DOCK5: variants seen among roughly 807,000 people sequenced by gnomAD.
DOCK5 encodes the protein dedicator of cytokinesis protein 5.
A neutral mutation model predicts 251.8 loss-of-function variants in DOCK5; 142 were observed. The observed-to-expected ratio is 0.56, with a 90% CI of 0.49 to 0.65. The LOEUF (loss-of-function observed/expected upper bound fraction) is 0.65. DOCK5 is among the 30% of genes least tolerant of loss of function. The probability of loss-of-function intolerance (pLI) is 0.00; values close to 1 mark genes in which losing one functional copy is unlikely to be tolerated. For synonymous variants in DOCK5, 842 were observed against 835.5 expected (o/e 1.01, Z -0.13); for missense variants, 2,111 against 2,312.3 (o/e 0.91, Z 1.79).
chr8:25,233,359 A>G (rs1802717981), intron 1 of DOCK5, among the ~76,000 whole-genome samples: 1 of 152,260 alleles, frequency 6.6e-6, no homozygotes, highest in African/African-American at 2.4e-5. Flanking sequence ...CTGGGCAACA[A>G]GTAGAATTGA....
At chr8:25,409,933 G>A in intron 50 of DOCK5, 166 bp from the exon 51 acceptor site, 2 of 597,056 alleles carry the variant, frequency 3.3e-6, no homozygotes, top group Non-Finnish European at 6.0e-6. Flanking sequence ...TCACCTGTGT[G>A]ATGTGGGGTA....
chr8:25,382,230 G>C lies in DOCK5; in HGVS notation c.4027-444G>C, dbSNP rs930849017. On this transcript the variant is annotated intron_variant, in intron 39 of 51. Coordinates refer to ENST00000276440, the MANE Select transcript of DOCK5 (RefSeq NM_024940.8). ...AGCCTCAAGCAATCCTCCCACCTCT[G>C]CCTCCCAATGTGCAAGGATTATAGG... 2.6e-5 allele frequency among the ~76,000 whole-genome samples: 4 copies of C among 152,230 alleles called. No homozygotes were observed. In the East Asian group the frequency reaches 5.8e-4, roughly 22 times the overall value.
chr8:25,391,883 T>G lies in DOCK5; in HGVS notation c.4356-13T>G, dbSNP rs1377405726. On this transcript the variant is annotated splice_polypyrimidine_tract_variant and intron_variant, in intron 42 of 51. Coordinates refer to ENST00000276440, the MANE Select transcript of DOCK5 (RefSeq NM_024940.8). ...AAGAGAGAAAAATACAGCATTGCTT[T>G]GTCCTTCTCCAGCTACTACAGAGCC... 26 of 1,613,086 alleles carry G rather than the reference T, an allele frequency of 1.6e-5. No individual in the cohort carries two copies. The highest frequency in any genetic ancestry group is 1.6e-4 in the Middle Eastern group (1 of 6,082).
At chr8:25,245,579 G>A (rs34963169) in intron 2 of DOCK5, among the ~76,000 whole-genome samples, 3,692 of 146,488 alleles carry the variant, frequency 0.025, 67 homozygotes, top group South Asian at 0.044. Context: ...TCATTCTGTC[G>A]TCCAGGCTGG....
intron 38 of DOCK5, among the ~76,000 whole-genome samples, chr8:25,379,887 T>A (rs11988235): frequency 2.0e-5 from 3 of 150,234 alleles, no homozygotes; most frequent in African/African-American, 7.4e-5. Flanking sequence ...TACACACACC[T>A]GTACACACAC....
At chr8:25,222,569 C>T (rs900112128) in intron 1 of DOCK5, among the ~76,000 whole-genome samples, 3 of 152,244 alleles carry the variant, frequency 2.0e-5, no homozygotes, top group South Asian at 2.1e-4. Context: ...ATTCTTTTAC[C>T]CTCTAATCTG....
intron 2 of DOCK5, among the ~76,000 whole-genome samples, chr8:25,251,974 C>T (rs938708468): frequency 1.6e-4 from 23 of 141,688 alleles, no homozygotes; most frequent in African/African-American, 5.4e-4. Flanking sequence ...ACCTGGGTGA[C>T]ACAGCAAGAC....
intron 11 of DOCK5, among the ~76,000 whole-genome samples, chr8:25,305,658 C>G (rs1025630447): frequency 3.2e-4 from 48 of 152,128 alleles, no homozygotes; most frequent in Admixed American, 2.6e-4. Context: ...AATACACACA[C>G]ATACAGAAAT....
At chr8:25,223,974 G>A (rs1239944067) in intron 1 of DOCK5, among the ~76,000 whole-genome samples, 1 of 152,156 alleles carries the variant, frequency 6.6e-6, no homozygotes, top group East Asian at 1.9e-4. Flanking sequence ...TTTATTTACT[G>A]CTGTATCTCC....
At chr8:25,303,202 C>T (rs1411033685) in intron 10 of DOCK5, among the ~76,000 whole-genome samples, 1 of 152,176 alleles carries the variant, frequency 6.6e-6, no homozygotes, top group African/African-American at 2.4e-5. Flanking sequence ...GCAGCATTTA[C>T]TGCCTGGCAC....
At chr8:25,276,509 G>A (rs1804045202) in intron 4 of DOCK5, among the ~76,000 whole-genome samples, 1 of 152,064 alleles carries the variant, frequency 6.6e-6, no homozygotes, top group South Asian at 2.1e-4. Context: ...GAGGCAGTAC[G>A]GAGAGGCTGG....
intron 1 of DOCK5, among the ~76,000 whole-genome samples, chr8:25,187,250 C>A (rs1349785929): frequency 6.9e-6 from 1 of 144,806 alleles, no homozygotes; most frequent in African/African-American, 2.6e-5. Flanking sequence ...TATATACACA[C>A]ACACACACAC....
At chr8:25,300,442 T>C in intron 8 of DOCK5, 134 bp from the exon 9 acceptor site, 1 of 740,516 alleles carries the variant, frequency 1.4e-6, no homozygotes, top group Non-Finnish European at 2.2e-6. Flanking sequence ...CTCAGCTGTT[T>C]TCACACCGGC....
At chr8:25,289,433 T>A (rs943904200) in intron 5 of DOCK5, among the ~76,000 whole-genome samples, 3 of 151,846 alleles carry the variant, frequency 2.0e-5, no homozygotes, top group Non-Finnish European at 2.9e-5. Context: ...ATTACAGATG[T>A]GAGCCACCAC....
chr8:25,223,533 T>TC (rs1381949274), intron 1 of DOCK5, among the ~76,000 whole-genome samples: 7 of 152,242 alleles, frequency 4.6e-5, no homozygotes, highest in African/African-American at 1.4e-4. Flanking sequence ...CAGCCTGGTC[T>TC]CCAACTCCTG....
chr8:25,390,296 T>C lies in DOCK5; in HGVS notation c.4355+9T>C. On this transcript the variant is annotated intron_variant, in intron 42 of 51. Transcript: ENST00000276440. The stretch of plus-strand genomic sequence containing the variant: ...CCAGAGCAGATCTTAAAGTAAGTGG[T>C]TTTTCATTTAAAAAAAAAAAAAATC... The C allele has an allele frequency of 6.5e-7, 1 of 1,536,744 alleles. No individual in the cohort carries two copies. Among genetic ancestry groups the C allele is most frequent in the Non-Finnish European group, 8.7e-7 (1 of 1,144,448 alleles).
intron 39 of DOCK5, 137 bp from the exon 40 acceptor site, chr8:25,382,537 T>C: frequency 1.5e-6 from 1 of 682,824 alleles, no homozygotes; most frequent in Non-Finnish European, 2.5e-6. Flanking sequence ...ATAACCCTTT[T>C]CTGCCCATAG....
Position 25,369,628 on chromosome 8 carries a change from C to G in DOCK5, c.3511C>G (p.Leu1171Val). Residue 1171 changes from leucine to valine, a missense_variant, in exon 34 of 52, where the codon CTT becomes GTT. Around this residue, in one of 3 missense-constraint regions of DOCK5, gnomAD observed 1,717 missense variants for 1,892.4 expected, o/e 0.91. Coordinates refer to ENST00000276440, the MANE Select transcript of DOCK5 (RefSeq NM_024940.8). ...CAGAGGAGACGAACAATACAAGGTTCTTCTGGAAAAACTGTGAGTATTTCA... is the reference window on the plus strand; with the variant it reads ...CAGAGGAGACGAACAATACAAGGTTGTTCTGGAAAAACTGTGAGTATTTCA... Reference protein sequence around the residue: ...GGRGDEQYKVLLEKLLLEHCR... With the variant: ...GGRGDEQYKVVLEKLLLEHCR... 1 of 1,608,614 alleles carries G rather than the reference C, an allele frequency of 6.2e-7. No individual in the cohort carries two copies. The highest frequency in any genetic ancestry group is 2.2e-5 in the East Asian group (1 of 44,748).
intron 2 of DOCK5, among the ~76,000 whole-genome samples, chr8:25,247,928 G>A (rs147215072): frequency 2.2e-4 from 34 of 152,164 alleles, no homozygotes; most frequent in Admixed American, 1.9e-3. Context: ...GCAAGAAACC[G>A]CTCTTCTTAA....
Sources: allele counts gnomAD v4.1 joint callset (sites outside exome capture counted in the v4.1 genomes callset), GRCh38; gene constraint gnomAD v4.1.1; regional missense constraint gnomAD v4.1.1; transcripts MANE v1.5; gene names NCBI Gene and HGNC (gene_info 2026-07-23, HGNC 2026-07-21).